Variants in SUGCT observed in about 807,000 individuals in gnomAD.
SUGCT encodes the protein succinyl-CoA:glutarate CoA-transferase.
A neutral mutation model predicts 55.0 loss-of-function variants in SUGCT; 41 were observed. The ratio of observed to expected loss-of-function variants is 0.74; its 90% CI spans 0.58 to 0.97. The LOEUF is 0.97. Among genes scored for constraint, SUGCT ranks in the 50% least tolerant of loss-of-function variants. SUGCT has a pLI of 0.00. For missense variants in SUGCT, 568 were observed against 547.8 expected, an observed-to-expected ratio of 1.04 and a Z score of -0.37; for synonymous variants, 187 against 200.4, an observed-to-expected ratio of 0.93 and a Z score of 0.56.
intron 9 of SUGCT, among the ~76,000 whole-genome samples, chr7:40,359,740 A>C (rs1268417301): frequency 1.3e-5 from 2 of 152,182 alleles, no homozygotes; most frequent in Non-Finnish European, 2.9e-5. Context: ...AATATGATCT[A>C]CTTTAGAGCT....
chr7:40,657,787 G>A (rs754577410), intron 12 of SUGCT, among the ~76,000 whole-genome samples: 2 of 152,174 alleles, frequency 1.3e-5, no homozygotes, highest in African/African-American at 2.4e-5. Flanking sequence ...ACCCACCTTG[G>A]CCTCCCAAAG....
At chr7:40,511,513 T>A (rs904983813) in intron 12 of SUGCT, among the ~76,000 whole-genome samples, 1 of 152,202 alleles carries the variant, frequency 6.6e-6, no homozygotes, top group Non-Finnish European at 1.5e-5. Context: ...TTAATAGCCC[T>A]GTATCCATTT....
intron 13 of SUGCT, among the ~76,000 whole-genome samples, chr7:40,835,088 T>C (rs1482212056): frequency 6.6e-6 from 1 of 152,230 alleles, no homozygotes; most frequent in Non-Finnish European, 1.5e-5. Context: ...GCTAGCCACA[T>C]GTGGCTGTCA....
rs374897034 is a variant in SUGCT at position 40,557,910 on chromosome 7, C to A, written c.1089+61524C>A. 1.3e-4 allele frequency among the ~76,000 whole-genome samples: 20 copies of A among 151,830 alleles called. 1 individual carries two copies. The highest frequency in any genetic ancestry group is 4.6e-4 in the African/African-American group (19 of 41,468). The stretch of plus-strand genomic sequence containing the variant: ...TATTTAAAGAACCTTTATTGGTCAA[C>A]AACAAACAAATAACCCAGTTAAAAA... On this transcript the variant is annotated intron_variant, in intron 12 of 13. Transcript: ENST00000335693.
At chr7:40,234,128 A>G (rs1044375097) in intron 6 of SUGCT, among the ~76,000 whole-genome samples, 1 of 152,174 alleles carries the variant, frequency 6.6e-6, no homozygotes, top group Non-Finnish European at 1.5e-5. Flanking sequence ...TTAGAGTTGC[A>G]CTGATGGTGA....
intron 1 of SUGCT, among the ~76,000 whole-genome samples, chr7:40,142,507 C>G (rs1312037739): frequency 6.6e-6 from 1 of 152,178 alleles, no homozygotes; most frequent in Non-Finnish European, 1.5e-5. Flanking sequence ...AGCCTCTGCA[C>G]CAACCCATGG....
chr7:40,947,828 A>C, the SUGCT span, among the ~76,000 whole-genome samples: 1 of 152,220 alleles, frequency 6.6e-6, no homozygotes, highest in Non-Finnish European at 1.5e-5. Context: ...GCTAAGGGAT[A>C]TCTTCAATGC....
intron 12 of SUGCT, among the ~76,000 whole-genome samples, chr7:40,732,720 G>A (rs975563348): frequency 6.6e-6 from 1 of 152,168 alleles, no homozygotes; most frequent in Non-Finnish European, 1.5e-5. Context: ...CCACTTTTCT[G>A]GTTGGGTGTT....
chr7:41,004,070 C>T, the SUGCT span, among the ~76,000 whole-genome samples: 1 of 152,216 alleles, frequency 6.6e-6, no homozygotes, highest in Non-Finnish European at 1.5e-5. Context: ...CTTCCTGGAT[C>T]GCCCCACTAA....
chr7:40,847,342 G>A (rs1312709586), intron 13 of SUGCT, among the ~76,000 whole-genome samples: 1 of 151,518 alleles, frequency 6.6e-6, no homozygotes, highest in Non-Finnish European at 1.5e-5. Context: ...CAGGGAGACC[G>A]ACAGGGTCTT....
chr7:40,560,764 A>C (rs1795792474), intron 12 of SUGCT, among the ~76,000 whole-genome samples: 1 of 152,208 alleles, frequency 6.6e-6, no homozygotes, highest in African/African-American at 2.4e-5. Context: ...CCCCAGTGGG[A>C]AATTACTAGA....
intron 7 of SUGCT, among the ~76,000 whole-genome samples, chr7:40,248,906 ACACG>A (rs767715660): frequency 0.048 from 6,327 of 130,574 alleles, 197 homozygotes; most frequent in African/African-American, 0.099. Context: ...ACACACACAC[ACACG>A]CACACACACA....
chr7:40,185,508 C>T (rs1406652583), intron 3 of SUGCT, among the ~76,000 whole-genome samples: 1 of 151,986 alleles, frequency 6.6e-6, no homozygotes, highest in Non-Finnish European at 1.5e-5. Context: ...GGGCTTTGTT[C>T]CTAGCAGGGA....
At position 40,298,996 on chromosome 7, in the gene SUGCT, A is replaced by G. The variant is rs1035102402; in HGVS notation, c.721-17764A>G. Among the ~76,000 whole-genome samples the G allele has an allele frequency of 2.6e-5, 4 of 152,182 alleles. 1 individual carries two copies. Among genetic ancestry groups the G allele is most frequent in the South Asian group, 4.1e-4 (2 of 4,826 alleles). On this transcript the variant is annotated intron_variant, in intron 8 of 13. Coordinates refer to ENST00000335693, the MANE Select transcript of SUGCT (RefSeq NM_001193313.2). ...AGTCTTCTTTTGTGCTTGAATAACAATGGTTTGAAAAGGAACAAAAAGGCT... is the reference window on the plus strand; with the variant it reads ...AGTCTTCTTTTGTGCTTGAATAACAGTGGTTTGAAAAGGAACAAAAAGGCT...
At position 40,189,526 on chromosome 7, in the gene SUGCT, A is replaced by G. The variant is rs571652463; in HGVS notation, c.313-18A>G. ...GGTCATCGAAATAATATATATATATATATTTTTTAATTTTTAGAGTATTGC... is the reference window on the plus strand; with the variant it reads ...GGTCATCGAAATAATATATATATATGTATTTTTTAATTTTTAGAGTATTGC... On this transcript the variant is annotated intron_variant, in intron 4 of 13. Transcript: ENST00000335693. 3.1e-6 allele frequency: 3 copies of G among 959,028 alleles called. No individual in the cohort carries two copies. Among genetic ancestry groups the G allele is most frequent in the South Asian group, 3.1e-5 (1 of 31,778 alleles). 59.4% of individuals were successfully genotyped at this position (959,028 alleles called of 1,614,324 possible). A position where few individuals can be genotyped will look rare whatever the true frequency, so the allele number is the denominator to read the frequency against.
At chr7:40,962,729 G>A in the SUGCT span, among the ~76,000 whole-genome samples, 1 of 152,024 alleles carries the variant, frequency 6.6e-6, no homozygotes, top group Non-Finnish European at 1.5e-5. Flanking sequence ...GAAAAGGGTG[G>A]GTGAGTTGGC....
At chr7:40,379,810 C>G (rs1397781641) in intron 9 of SUGCT, among the ~76,000 whole-genome samples, 1 of 152,174 alleles carries the variant, frequency 6.6e-6, no homozygotes, top group African/African-American at 2.4e-5. Context: ...TCAAGTTATT[C>G]CTGAGCTGTG....
chr7:40,558,111 AC>A (rs34890108), intron 12 of SUGCT, among the ~76,000 whole-genome samples: 1 of 151,206 alleles, frequency 6.6e-6, no homozygotes, highest in African/African-American at 2.4e-5. Context: ...AAAAAAAAAA[AC>A]CAGAAAATAA....
chr7:40,391,908 G>T (rs190521554), intron 9 of SUGCT, among the ~76,000 whole-genome samples: 46 of 152,292 alleles, frequency 3.0e-4, no homozygotes, highest in Non-Finnish European at 4.4e-5. Context: ...TGATAGACTG[G>T]ATTAAGAAAA....
Sources: gnomAD v4.1 joint callset for allele counts (sites outside exome capture counted in the v4.1 genomes callset) on GRCh38, gnomAD v4.1.1 for gene constraint, MANE v1.5 for transcripts, NCBI Gene and HGNC (gene_info 2026-07-23, HGNC 2026-07-21) for gene names.